Variants in GFPT1 observed in about 807,000 individuals in gnomAD.
GFPT1 encodes the protein glutamine--fructose-6-phosphate transaminase 1.
A neutral mutation model predicts 92.0 loss-of-function variants in GFPT1; 40 were observed. The ratio of observed to expected loss-of-function variants is 0.43; its 90% CI spans 0.34 to 0.57. The LOEUF is 0.57. GFPT1 is among the 20% of genes least tolerant of loss of function. The pLI is 0.02. For missense variants in GFPT1, 448 were observed against 869.1 expected, an observed-to-expected ratio of 0.52 and a Z score of 6.09; for synonymous variants, 269 against 280.6, an observed-to-expected ratio of 0.96 and a Z score of 0.41.
intron 15 of GFPT1, among the ~76,000 whole-genome samples, chr2:69,335,725 C>A (rs781104208): frequency 6.6e-6 from 1 of 152,060 alleles, no homozygotes; most frequent in Non-Finnish European, 1.5e-5. Context: ...ATCGAAATAC[C>A]CAAGAAATAA....
chr2:69,363,496 A>G, intron 4 of GFPT1, 49 bp downstream of exon 4: 3 of 1,569,908 alleles, frequency 1.9e-6, no homozygotes, highest in Non-Finnish European at 1.8e-6. Context: ...TTCTGCCCCC[A>G]TTATTAGGTT....
chr2:69,386,253 T>G (rs1217918592), intron 1 of GFPT1, among the ~76,000 whole-genome samples: 1 of 152,254 alleles, frequency 6.6e-6, no homozygotes, highest in Non-Finnish European at 1.5e-5. Flanking sequence ...CCTTAATTTT[T>G]TAAGGCTCTA....
Position 69,384,173 on chromosome 2 carries a change from C to T in GFPT1, c.7+2892G>A, listed in dbSNP as rs370274373. Among the ~76,000 whole-genome samples the T allele has an allele frequency of 6.7e-4, 102 of 152,228 alleles. 3 individuals are homozygous for T. The South Asian group carries it at 0.021, about 31-fold the overall frequency. ...AGATTCTCAATGCTTATTATTAATA[C>T]ATTAAAGATTCCAAGAAATCCTCCA... On this transcript the variant is annotated intron_variant, in intron 1 of 19. Transcript: ENST00000357308.
intron 12 of GFPT1, among the ~76,000 whole-genome samples, chr2:69,343,688 A>G (rs1050253355): frequency 6.6e-6 from 1 of 151,918 alleles, no homozygotes; most frequent in Non-Finnish European, 1.5e-5. Flanking sequence ...CTGGGATTAC[A>G]GGTGTCAGCC....
rs1244909032 is a variant in GFPT1 at position 69,328,275 on chromosome 2, C to T, written c.1889G>A (p.Arg630Gln). The T allele has an allele frequency of 6.2e-7, 1 of 1,613,368 alleles. No homozygotes were observed. Among genetic ancestry groups the T allele is most frequent in the Admixed American group, 1.7e-5 (1 of 59,986 alleles). Residue 630 changes from arginine to glutamine, a missense_variant, in exon 18 of 20, where the codon CGG (arginine) becomes CAG (glutamine). Coordinates refer to ENST00000357308, the MANE Select transcript of GFPT1 (RefSeq NM_001244710.2). ...TCTCACAGTCCCCCGACTTACCTGC[C>T]GAGCAACCACTTGCTGAAGAGCATT... The part of the protein sequence containing the change: ...CQNALQQVVA[R>Q]QGRPVVICDK...
In GFPT1 at chr2:69,323,129, T is replaced by A. The variant is rs971663388; in HGVS notation, c.*3060A>T. Reference sequence around the variant, plus strand: ...TATCTTTTATTCTTATGGCACAGAATTTATTTTAAAAGACTGAAAAACTGA... The same window carrying A: ...TATCTTTTATTCTTATGGCACAGAAATTATTTTAAAAGACTGAAAAACTGA... On this transcript the variant is annotated 3_prime_UTR_variant, in exon 20 of 20. Coordinates refer to ENST00000357308, the MANE Select transcript of GFPT1 (RefSeq NM_001244710.2). 6.6e-6 allele frequency: 1 copy of A among 152,242 alleles called. No homozygotes were observed. Among genetic ancestry groups the A allele is most frequent in the Non-Finnish European group, 1.5e-5 (1 of 68,040 alleles). The allele number at this position is 152,242 out of a possible 1,614,324, so 9.4% of individuals were successfully genotyped here. A position where few individuals can be genotyped will look rare whatever the true frequency, so the allele number is the denominator to read the frequency against.
intron 9 of GFPT1, among the ~76,000 whole-genome samples, chr2:69,353,566 G>A (rs1030655732): frequency 6.6e-6 from 1 of 151,904 alleles, no homozygotes; most frequent in African/African-American, 2.4e-5. Context: ...GATGGCACAC[G>A]CTTGTAGTAC....
At chr2:69,380,813 G>A (rs968938511) in intron 1 of GFPT1, among the ~76,000 whole-genome samples, 3 of 152,018 alleles carry the variant, frequency 2.0e-5, no homozygotes, top group African/African-American at 2.4e-5. Context: ...GTCCACTTTC[G>A]GATGGGCCCT....
At chr2:69,336,541 A>G (rs1307651749) in intron 15 of GFPT1, among the ~76,000 whole-genome samples, 2 of 152,002 alleles carry the variant, frequency 1.3e-5, no homozygotes, top group Non-Finnish European at 2.9e-5. Flanking sequence ...GATAATCAGC[A>G]AGAAATATCA....
At chr2:69,332,787 T>C (rs1017215084) in intron 15 of GFPT1, among the ~76,000 whole-genome samples, 9 of 152,108 alleles carry the variant, frequency 5.9e-5, no homozygotes, top group African/African-American at 1.7e-4. Context: ...CTGAGGGGTG[T>C]GTGTGTGCGC....
chr2:69,360,075 C>T (rs936316950), intron 4 of GFPT1, among the ~76,000 whole-genome samples: 1 of 152,112 alleles, frequency 6.6e-6, no homozygotes, highest in African/African-American at 2.4e-5. Context: ...TGCCTGTAAT[C>T]CCAGCACTTT....
chr2:69,342,061 C>T, intron 13 of GFPT1, 91 bp downstream of exon 13: 1 of 693,188 alleles, frequency 1.4e-6, no homozygotes. Flanking sequence ...ATTAACAAAA[C>T]ATAGTTTTAC....
In GFPT1 at chr2:69,323,321, T is replaced by C. The variant is rs1352483599; in HGVS notation, c.*2868A>G. ...AAGGATTCTTTATGTAGAGTATCTT[T>C]TTTGAAAAATCAGATTTTCTTATCC... is the stretch of plus-strand genomic sequence containing the variant. On this transcript the variant is annotated 3_prime_UTR_variant, in exon 20 of 20. Coordinates refer to ENST00000357308, the MANE Select transcript of GFPT1 (RefSeq NM_001244710.2). 6.6e-6 allele frequency: 1 copy of C among 152,220 alleles called. No individual in the cohort carries two copies. The highest frequency in any genetic ancestry group is 1.5e-5 in the Non-Finnish European group (1 of 68,034). The allele number at this position is 152,220 out of a possible 1,614,324, so 9.4% of individuals were successfully genotyped here.
In GFPT1 at chr2:69,368,598, C is replaced by A. The variant is rs181196357; in HGVS notation, c.223+1403G>T. Among the ~76,000 whole-genome samples the A allele has an allele frequency of 9.9e-3, 1,512 of 152,234 alleles. 12 individuals carry two copies. Among genetic ancestry groups the A allele is most frequent in the Non-Finnish European group, 0.016 (1,069 of 68,006 alleles). On this transcript the variant is annotated intron_variant, in intron 3 of 19. Coordinates refer to ENST00000357308, the MANE Select transcript of GFPT1 (RefSeq NM_001244710.2). ...CAAAAATTAGCCGGGCATGATGGCA[C>A]ACGCCTGGTAATCCCAGCCACTCGG...
intron 19 of GFPT1, among the ~76,000 whole-genome samples, 194 bp from the exon 20 acceptor site, chr2:69,326,427 T>C (rs1670534134): frequency 6.6e-6 from 1 of 152,116 alleles, no homozygotes; most frequent in African/African-American, 2.4e-5. Flanking sequence ...AAACTGAAAT[T>C]GGTTAGGAAA....
chr2:69,376,034 T>C (rs1269444727), intron 1 of GFPT1, among the ~76,000 whole-genome samples: 1 of 152,238 alleles, frequency 6.6e-6, no homozygotes, highest in Non-Finnish European at 1.5e-5. Flanking sequence ...TGTTCCTTCA[T>C]GAAGTATCTG....
At chr2:69,370,505 C>A (rs1387325054) in intron 2 of GFPT1, among the ~76,000 whole-genome samples, 2 of 152,124 alleles carry the variant, frequency 1.3e-5, no homozygotes, top group Non-Finnish European at 2.9e-5. Context: ...CCTTAAGTTG[C>A]TAAGGAATTT....
At chr2:69,331,151 G>T (rs758889743) in intron 15 of GFPT1, among the ~76,000 whole-genome samples, 5 of 152,176 alleles carry the variant, frequency 3.3e-5, no homozygotes, top group African/African-American at 4.8e-5. Context: ...GTGAAATACT[G>T]AGAATTATCT....
intron 13 of GFPT1, among the ~76,000 whole-genome samples, chr2:69,341,120 C>T (rs955056870): frequency 2.6e-5 from 4 of 151,458 alleles, no homozygotes; most frequent in South Asian, 2.1e-4. Flanking sequence ...CACCACACCC[C>T]GATAATTTTT....
Sources: gnomAD v4.1 joint callset for allele counts (sites outside exome capture counted in the v4.1 genomes callset) on GRCh38, gnomAD v4.1.1 for gene constraint, MANE v1.5 for transcripts, NCBI Gene and HGNC (gene_info 2026-07-23, HGNC 2026-07-21) for gene names.